The following DLGAP2 variants were observed in gnomAD, a reference collection of about 807,000 sequenced individuals.
DLGAP2 encodes DLG associated protein 2.
DLGAP2 carries 26 observed loss-of-function variants against 100.3 expected under a neutral mutation model. That is an observed-to-expected ratio of 0.26 (90% CI 0.19 to 0.36). The LOEUF (loss-of-function observed/expected upper bound fraction) is 0.36, where lower values mean the gene tolerates loss of function less well. Among genes scored for constraint, DLGAP2 ranks in the 10% least tolerant of loss-of-function variants. DLGAP2 has a pLI of 1.00. For synonymous variants in DLGAP2, 886 were observed against 630.1 expected (o/e 1.41, Z -6.08); for missense variants, 1,858 against 1,453.2 (o/e 1.28, Z -4.53).
At chr8:1,275,799 T>G (rs1799672264) in intron 3 of DLGAP2, among the ~76,000 whole-genome samples, 1 of 107,340 alleles carries the variant, frequency 9.3e-6, no homozygotes, top group Non-Finnish European at 1.8e-5. Context: ...AATATATAAA[T>G]AAATATATAA....
At chr8:805,125 G>T (rs1020568842) in intron 1 of DLGAP2, among the ~76,000 whole-genome samples, 5 of 152,176 alleles carry the variant, frequency 3.3e-5, no homozygotes, top group African/African-American at 1.2e-4. Flanking sequence ...TAATGGGAAT[G>T]ATTTGCCCCC....
intron 1 of DLGAP2, among the ~76,000 whole-genome samples, chr8:795,277 A>G (rs1049202272): frequency 3.3e-5 from 5 of 152,160 alleles, no homozygotes; most frequent in Middle Eastern, 3.2e-3. Flanking sequence ...CTGCTTAGAC[A>G]CCTGATTTAA....
At chr8:858,351 C>T (rs976371915) in intron 1 of DLGAP2, among the ~76,000 whole-genome samples, 3 of 152,264 alleles carry the variant, frequency 2.0e-5, no homozygotes, top group Non-Finnish European at 2.9e-5. Flanking sequence ...ATGTAGGATT[C>T]CGACTGCATG....
intron 2 of DLGAP2, among the ~76,000 whole-genome samples, chr8:1,089,979 C>T (rs1331331840): frequency 2.0e-5 from 3 of 152,192 alleles, no homozygotes; most frequent in Non-Finnish European, 4.4e-5. Context: ...TGTGGAAACT[C>T]ACACCCTGAG....
chr8:1,264,045 T>C (rs1308558598), intron 3 of DLGAP2, among the ~76,000 whole-genome samples: 3 of 152,164 alleles, frequency 2.0e-5, no homozygotes, highest in African/African-American at 7.2e-5. Context: ...AGAATGCTGC[T>C]CCTCTCTTAG....
intron 1 of DLGAP2, among the ~76,000 whole-genome samples, chr8:897,698 T>C (rs1474790514): frequency 7.3e-6 from 1 of 137,852 alleles, no homozygotes; most frequent in Non-Finnish European, 1.6e-5. Context: ...CCCCTCCCCC[T>C]CCCCACGGGC....
At chr8:1,164,169 C>CAGATTTTTCTGTGAGCCCCCCAGGGCCT (rs1563224147) in intron 2 of DLGAP2, among the ~76,000 whole-genome samples, 3 of 20,344 alleles carry the variant, frequency 1.5e-4, no homozygotes, top group African/African-American at 1.7e-4. Flanking sequence ...CCCCAGGGCC[C>CAGATTTTTCTGTGAGCCCCCCAGGGCCT]GTCATTTTGG....
intron 2 of DLGAP2, among the ~76,000 whole-genome samples, chr8:1,235,260 C>G (rs1225215343): frequency 6.7e-6 from 1 of 148,222 alleles, no homozygotes; most frequent in South Asian, 2.1e-4. Context: ...GGCGTCGTGT[C>G]TAGTTCTCTC....
chr8:1,583,840 T>C (rs1796028413), intron 6 of DLGAP2, among the ~76,000 whole-genome samples: 1 of 152,082 alleles, frequency 6.6e-6, no homozygotes, highest in Admixed American at 6.6e-5. Context: ...CCAGTGCAGA[T>C]CCTTCGTGAT....
At chr8:1,233,471 G>T (rs148598906) in intron 2 of DLGAP2, among the ~76,000 whole-genome samples, 17 of 152,254 alleles carry the variant, frequency 1.1e-4, no homozygotes, top group Admixed American at 2.6e-4. Flanking sequence ...GTTGGCTAAC[G>T]GGGCTAATCG....
intron 1 of DLGAP2, chr8:740,262 C>G (rs1270519880): frequency 6.6e-6 from 1 of 152,188 alleles, no homozygotes; most frequent in Non-Finnish European, 1.5e-5. Flanking sequence ...CATTCTAAGT[C>G]AACTTTTCAT....
At chr8:1,088,613 G>C (rs1196169688) in intron 2 of DLGAP2, among the ~76,000 whole-genome samples, 2 of 152,104 alleles carry the variant, frequency 1.3e-5, no homozygotes, top group East Asian at 3.8e-4. Flanking sequence ...AGGCAAACAG[G>C]CAGAAGAACG....
intron 2 of DLGAP2, among the ~76,000 whole-genome samples, chr8:1,176,140 G>A (rs1355806733): frequency 1.3e-5 from 2 of 152,178 alleles, no homozygotes; most frequent in Non-Finnish European, 2.9e-5. Flanking sequence ...GAGGCCTCAG[G>A]AAACTTACAA....
Position 1,701,491 on chromosome 8 carries a change from C to A in DLGAP2, c.*85C>A. On this transcript the variant is annotated 3_prime_UTR_variant, in exon 15 of 15. Coordinates refer to ENST00000637795, the MANE Select transcript of DLGAP2 (RefSeq NM_001346810.2). ...GGCGCCGCCCTGGTGGTTTCTGTCT[C>A]CTCCTCCCGCTGAACACGTCCTCGC... 1 of 1,356,836 alleles carries A rather than the reference C, an allele frequency of 7.4e-7. No homozygotes were observed. Among genetic ancestry groups the A allele is most frequent in the South Asian group, 1.4e-5 (1 of 72,736 alleles). The allele number at this position is 1,356,836 out of a possible 1,614,324, so 84.0% of individuals were successfully genotyped here. A position where few individuals can be genotyped will look rare whatever the true frequency, so the allele number is the denominator to read the frequency against.
At chr8:1,055,068 T>A (rs1055827870) in intron 2 of DLGAP2, among the ~76,000 whole-genome samples, 6 of 152,232 alleles carry the variant, frequency 3.9e-5, no homozygotes, top group Non-Finnish European at 7.3e-5. Context: ...ACATTTAAGA[T>A]GTTTATAAGG....
chr8:1,679,471 G>A (rs1321312829), intron 12 of DLGAP2, among the ~76,000 whole-genome samples: 1 of 150,128 alleles, frequency 6.7e-6, no homozygotes, highest in Admixed American at 6.6e-5. Context: ...TCACTCCTGG[G>A]TGGAATGAGA....
At chr8:1,190,784 G>A (rs560777269) in intron 2 of DLGAP2, among the ~76,000 whole-genome samples, 2 of 152,126 alleles carry the variant, frequency 1.3e-5, no homozygotes, top group South Asian at 2.1e-4. Context: ...CAGGTTCCAG[G>A]TGCACGCAGC....
At chr8:1,245,534 C>T (rs550723977) in intron 2 of DLGAP2, among the ~76,000 whole-genome samples, 3 of 152,282 alleles carry the variant, frequency 2.0e-5, no homozygotes, top group African/African-American at 7.2e-5. Context: ...GTGTTCAGAA[C>T]AGGCAAATCT....
intron 13 of DLGAP2, among the ~76,000 whole-genome samples, chr8:1,694,956 C>T (rs969402086): frequency 6.6e-6 from 1 of 152,194 alleles, no homozygotes; most frequent in Non-Finnish European, 1.5e-5. Flanking sequence ...CAAAACCAAA[C>T]CCTGACCATG....
Sources: allele counts gnomAD v4.1 joint callset (sites outside exome capture counted in the v4.1 genomes callset), GRCh38; gene constraint gnomAD v4.1.1; transcripts MANE v1.5; gene names NCBI Gene and HGNC (gene_info 2026-07-23, HGNC 2026-07-21).